The following MAGI1 variants were observed in gnomAD, a reference collection of about 807,000 sequenced individuals.
MAGI1 encodes the protein membrane-associated guanylate kinase, WW and PDZ domain-containing protein 1.
Under a neutral mutation model 139.9 loss-of-function variants are expected in MAGI1, and 58 were observed. That is an observed-to-expected ratio of 0.41 (90% CI 0.34 to 0.52). The LOEUF is 0.52. MAGI1 is among the 20% of genes least tolerant of loss of function. MAGI1 has a pLI of 0.12. For missense variants in MAGI1, 1,874 were observed against 1,901.6 expected, an observed-to-expected ratio of 0.99 and a Z score of 0.27; for synonymous variants, 812 against 737.9, an observed-to-expected ratio of 1.10 and a Z score of -1.63.
chr3:65,385,168 G>GT (rs1221201750), intron 14 of MAGI1, among the ~76,000 whole-genome samples: 1 of 152,136 alleles, frequency 6.6e-6, no homozygotes, highest in Non-Finnish European at 1.5e-5. Flanking sequence ...TGAATATCTT[G>GT]TTTTTTAAAA....
intron 1 of MAGI1, among the ~76,000 whole-genome samples, chr3:65,825,408 A>G (rs2042168196): frequency 6.6e-6 from 1 of 152,130 alleles, no homozygotes; most frequent in Non-Finnish European, 1.5e-5. Flanking sequence ...ACTTCTCCCC[A>G]ACTTCGCATT....
intron 5 of MAGI1, among the ~76,000 whole-genome samples, chr3:65,463,270 T>A (rs112139693): frequency 2.8e-4 from 42 of 152,312 alleles, no homozygotes; most frequent in Non-Finnish European, 4.0e-4. Flanking sequence ...TTTTGAGATA[T>A]GTTCCAACAA....
chr3:65,794,982 A>T (rs1318770278), intron 1 of MAGI1, among the ~76,000 whole-genome samples: 1 of 152,216 alleles, frequency 6.6e-6, no homozygotes, highest in Non-Finnish European at 1.5e-5. Flanking sequence ...CCAACGACGC[A>T]AATGACTAAT....
intron 1 of MAGI1, among the ~76,000 whole-genome samples, chr3:66,031,270 G>T (rs557423412): frequency 8.4e-4 from 128 of 152,318 alleles, no homozygotes; most frequent in African/African-American, 3.0e-3. Flanking sequence ...CAAGGAAAGG[G>T]CCACTAACAC....
At chr3:65,920,777 T>C (rs1576052042) in intron 1 of MAGI1, among the ~76,000 whole-genome samples, 1 of 152,326 alleles carries the variant, frequency 6.6e-6, no homozygotes, top group Non-Finnish European at 1.5e-5. Context: ...ACGCCTGTAA[T>C]CCCAGCACTT....
chr3:65,643,196 TG>T (rs1250569251), intron 1 of MAGI1, among the ~76,000 whole-genome samples: 3 of 152,162 alleles, frequency 2.0e-5, no homozygotes, highest in African/African-American at 4.8e-5. Flanking sequence ...CTTCCATTAG[TG>T]ACTTCTCAGT....
intron 1 of MAGI1, among the ~76,000 whole-genome samples, chr3:65,881,019 C>T (rs956818407): frequency 1.3e-5 from 2 of 151,866 alleles, no homozygotes; most frequent in Admixed American, 6.6e-5. Flanking sequence ...GCGATCTTCC[C>T]GCCTCAGACT....
intron 12 of MAGI1, among the ~76,000 whole-genome samples, chr3:65,412,244 C>T (rs181192657): frequency 2.6e-5 from 4 of 152,266 alleles, no homozygotes; most frequent in East Asian, 1.9e-4. Flanking sequence ...CTGGCTGCTC[C>T]CTCTGCCTGG....
intron 2 of MAGI1, among the ~76,000 whole-genome samples, chr3:65,569,548 A>G (rs1576348623): frequency 8.6e-6 from 1 of 116,760 alleles, no homozygotes; most frequent in Admixed American, 9.3e-5. Context: ...AAGTATATAA[A>G]TCCTTCCACA....
intron 1 of MAGI1, among the ~76,000 whole-genome samples, chr3:65,678,468 A>C (rs1001391767): frequency 6.6e-6 from 1 of 152,222 alleles, no homozygotes; most frequent in Non-Finnish European, 1.5e-5. Flanking sequence ...TGCTAACAAA[A>C]CAAAAGAGCT....
At chr3:65,843,568 C>T (rs1406104340) in intron 1 of MAGI1, among the ~76,000 whole-genome samples, 1 of 152,148 alleles carries the variant, frequency 6.6e-6, no homozygotes, top group Non-Finnish European at 1.5e-5. Flanking sequence ...TACAGACTTC[C>T]ACAGCCAAGA....
At chr3:65,796,066 A>G (rs182150400) in intron 1 of MAGI1, among the ~76,000 whole-genome samples, 2,517 of 143,418 alleles carry the variant, frequency 0.018, 72 homozygotes, top group African/African-American at 0.059. Flanking sequence ...AAAAAAAAAA[A>G]AAAAGAAAAG....
chr3:65,563,326 T>A (rs1243296357), intron 2 of MAGI1, among the ~76,000 whole-genome samples: 2 of 152,188 alleles, frequency 1.3e-5, no homozygotes, highest in Non-Finnish European at 2.9e-5. Flanking sequence ...AGTATGCAAC[T>A]GAACACCAGC....
chr3:65,802,197 T>C (rs1272200967), intron 1 of MAGI1, among the ~76,000 whole-genome samples: 2 of 152,184 alleles, frequency 1.3e-5, no homozygotes, highest in African/African-American at 2.4e-5. Context: ...GAGCCTACTA[T>C]GTGCAACGCA....
intron 1 of MAGI1, among the ~76,000 whole-genome samples, chr3:65,911,727 C>G (rs780631478): frequency 2.0e-5 from 3 of 152,186 alleles, no homozygotes; most frequent in Non-Finnish European, 4.4e-5. Flanking sequence ...TTTTCATTTA[C>G]CCATGCTCCA....
intron 17 of MAGI1, among the ~76,000 whole-genome samples, chr3:65,378,058 C>A (rs1050989772): frequency 7.9e-5 from 12 of 152,222 alleles, no homozygotes; most frequent in Admixed American, 6.5e-5. Flanking sequence ...CCCCTTCTCC[C>A]ATTGTATTCC....
At chr3:65,953,544 G>C (rs761707883) in intron 1 of MAGI1, among the ~76,000 whole-genome samples, 4 of 152,162 alleles carry the variant, frequency 2.6e-5, no homozygotes, top group Non-Finnish European at 4.4e-5. Flanking sequence ...TGTTGCCAGG[G>C]CTGAGCCAAT....
At chr3:65,863,758 T>C (rs1213726098) in intron 1 of MAGI1, among the ~76,000 whole-genome samples, 1 of 152,152 alleles carries the variant, frequency 6.6e-6, no homozygotes, top group Non-Finnish European at 1.5e-5. Flanking sequence ...CAACCCAAAA[T>C]GACTTGATAC....
intron 1 of MAGI1, among the ~76,000 whole-genome samples, chr3:65,957,986 T>C (rs759473053): frequency 7.4e-4 from 113 of 152,166 alleles, no homozygotes; most frequent in Admixed American, 1.6e-3. Flanking sequence ...CTCTAACTCT[T>C]GACCTCAGGT....
Sources: allele counts gnomAD v4.1 joint callset (sites outside exome capture counted in the v4.1 genomes callset), GRCh38; gene constraint gnomAD v4.1.1; transcripts MANE v1.5; gene names NCBI Gene and HGNC (gene_info 2026-07-23, HGNC 2026-07-21).